Variants in CALCOCO2 observed in about 807,000 individuals in gnomAD.
CALCOCO2 encodes calcium binding and coiled-coil domain 2, also known as calcium-binding and coiled-coil domain-containing protein 2.
CALCOCO2 carries 42 observed loss-of-function variants against 62.5 expected under a neutral mutation model. The ratio of observed to expected loss-of-function variants is 0.67; its 90% confidence interval spans 0.53 to 0.87. The LOEUF (loss-of-function observed/expected upper bound fraction) is 0.87. CALCOCO2 is among the 40% of genes least tolerant of loss of function. CALCOCO2 has a pLI of 0.00. For synonymous variants in CALCOCO2, 167 were observed against 173.0 expected, an observed-to-expected ratio of 0.97 and a Z score of 0.27; for missense variants, 456 against 515.0, an observed-to-expected ratio of 0.89 and a Z score of 1.11.
At chr17:48,833,528 C>CAG (rs1400234059) in intron 1 of CALCOCO2, among the ~76,000 whole-genome samples, 6 of 123,328 alleles carry the variant, frequency 4.9e-5, no homozygotes, top group Non-Finnish European at 9.7e-5. Flanking sequence ...CCCTGGGCAA[C>CAG]AGAGAGAGAC....
chr17:48,834,896 C>T (rs1372942871), intron 1 of CALCOCO2, among the ~76,000 whole-genome samples: 2 of 151,308 alleles, frequency 1.3e-5, no homozygotes, highest in Non-Finnish European at 3.0e-5. Flanking sequence ...AAAATACAAA[C>T]ATTAGGTGGG....
intron 2 of CALCOCO2, among the ~76,000 whole-genome samples, chr17:48,843,414 C>G (rs1380989464): frequency 1.3e-5 from 2 of 152,204 alleles, no homozygotes; most frequent in African/African-American, 4.8e-5. Flanking sequence ...TGTCATGTGC[C>G]TATTTGCCAG....
intron 5 of CALCOCO2, among the ~76,000 whole-genome samples, chr17:48,849,690 G>A (rs1386383213): frequency 6.6e-6 from 1 of 151,824 alleles, no homozygotes; most frequent in Non-Finnish European, 1.5e-5. Flanking sequence ...ATTTTTTAGA[G>A]ACAGGGTTTT....
At chr17:48,848,584 C>A in intron 4 of CALCOCO2, 129 bp downstream of exon 4, 1 of 772,272 alleles carries the variant, frequency 1.3e-6, no homozygotes, top group Non-Finnish European at 2.2e-6. Context: ...GTATGTAGTA[C>A]TCACACAGAC....
intron 9 of CALCOCO2, among the ~76,000 whole-genome samples, chr17:48,853,700 G>C (rs2040164620): frequency 6.6e-6 from 1 of 152,210 alleles, no homozygotes; most frequent in South Asian, 2.1e-4. Flanking sequence ...CAAATCAGCA[G>C]ATCATAGGTC....
intron 2 of CALCOCO2, among the ~76,000 whole-genome samples, chr17:48,846,247 G>A (rs189795766): frequency 1.2e-3 from 185 of 152,134 alleles, no homozygotes; most frequent in Non-Finnish European, 2.0e-3. Context: ...AGTGATTCTC[G>A]TGTCTCAGCC....
Position 48,848,136 on chromosome 17 carries a change from T to C in CALCOCO2, c.253T>C (p.Ser85Pro). ...VTLPIDLNNK[S>P]AKQQEVQFKA... ...TTTGCCCATTGACCTAAACAACAAA[T>C]CAGCTAAACAGCAGGAAGTCCAATT... The change falls in exon 3 of 13, where the codon TCA (serine) becomes CCA (proline). Residue 85 changes from serine (S) to proline (P), a missense_variant. Ser to Pro is a moderately conservative substitution (Grantham distance 74). This residue lies in a region of CALCOCO2 where 236 missense variants were observed against 225.3 expected (regional missense o/e 1.05). Coordinates refer to ENST00000258947, the MANE Select transcript of CALCOCO2 (RefSeq NM_005831.5). 2 of 1,613,130 alleles carry C rather than the reference T, an allele frequency of 1.2e-6. No homozygotes were observed. The highest frequency in any genetic ancestry group is 1.7e-6 in the Non-Finnish European group (2 of 1,179,160).
intron 2 of CALCOCO2, among the ~76,000 whole-genome samples, chr17:48,846,871 A>C (rs1304345153): frequency 6.6e-6 from 1 of 152,124 alleles, no homozygotes; most frequent in Non-Finnish European, 1.5e-5. Context: ...TCATTTGCTG[A>C]GTGTTGTCCC....
intron 1 of CALCOCO2, among the ~76,000 whole-genome samples, chr17:48,838,381 T>G (rs1195895003): frequency 6.6e-6 from 1 of 152,026 alleles, no homozygotes; most frequent in Non-Finnish European, 1.5e-5. Flanking sequence ...TGCCTTTTAG[T>G]TTTTACTTTT....
intron 2 of CALCOCO2, among the ~76,000 whole-genome samples, chr17:48,847,135 G>GA (rs953833880): frequency 1.3e-5 from 2 of 151,896 alleles, no homozygotes; most frequent in South Asian, 2.1e-4. Flanking sequence ...CATGCATGAA[G>GA]AAAAAAAATT....
intron 5 of CALCOCO2, 56 bp downstream of exon 5, chr17:48,849,433 C>CTGGATAAGAGGCACCAT: frequency 1.4e-6 from 2 of 1,476,732 alleles, no homozygotes; most frequent in Non-Finnish European, 1.9e-6. Context: ...TTGGATGGTG[C>CTGGATAAGAGGCACCAT]CTCTTATCCA....
Position 48,844,575 on chromosome 17 carries a change from C to A in CALCOCO2, c.180+2688C>A, listed in dbSNP as rs142066440. 5.6e-3 allele frequency among the ~76,000 whole-genome samples: 852 copies of A among 152,198 alleles called. 6 individuals are homozygous for A. The highest frequency in any genetic ancestry group is 0.02 in the African/African-American group (819 of 41,538). On this transcript the variant is annotated intron_variant, in intron 2 of 12. Coordinates refer to ENST00000258947, the MANE Select transcript of CALCOCO2 (RefSeq NM_005831.5). ...GTTCAAGCGATTCTCCTGCCTCAGC[C>A]TCCCAGGTAGCTGAGATTACAGGCA...
intron 10 of CALCOCO2, among the ~76,000 whole-genome samples, chr17:48,857,435 G>A: frequency 1.4e-5 from 2 of 140,182 alleles, no homozygotes. Context: ...GACCTGAGGT[G>A]ATCCACCCGC....
At chr17:48,857,471 A>G (rs1189250773) in intron 10 of CALCOCO2, among the ~76,000 whole-genome samples, 1 of 121,930 alleles carries the variant, frequency 8.2e-6, no homozygotes, top group Non-Finnish European at 1.7e-5. Context: ...TGCTGGGATT[A>G]CAGGCGTGAG....
At chr17:48,857,228 A>C (rs2040230017) in intron 10 of CALCOCO2, among the ~76,000 whole-genome samples, 13 of 125,586 alleles carry the variant, frequency 1.0e-4, no homozygotes, top group East Asian at 6.8e-4. Flanking sequence ...ACGGAGTTTC[A>C]CTCTTCTTGC....
At position 48,856,194 on chromosome 17, in the gene CALCOCO2, G is replaced by T; in HGVS notation, c.1008+7G>T. ...ATTGGAAGGAGAAAATGATGTAAGT[G>T]TGTGAAAGAGGGTATAAAACCCCAA... On this transcript the variant is annotated splice_region_variant and intron_variant, in intron 10 of 12. Coordinates refer to ENST00000258947, the MANE Select transcript of CALCOCO2 (RefSeq NM_005831.5). 2 of 1,496,112 alleles carry T rather than the reference G, an allele frequency of 1.3e-6. No homozygotes were observed. The highest frequency in any genetic ancestry group is 1.9e-6 in the Non-Finnish European group (2 of 1,075,328). 92.7% of individuals were successfully genotyped at this position (1,496,112 alleles called of 1,614,324 possible).
chr17:48,843,937 G>A (rs1279629712), intron 2 of CALCOCO2: 4 of 152,402 alleles, frequency 2.6e-5, no homozygotes, highest in African/African-American at 9.6e-5. Context: ...AGGCTGGAGT[G>A]CAATGGCGCA....
chr17:48,836,224 T>G (rs994779800), intron 1 of CALCOCO2, among the ~76,000 whole-genome samples: 1 of 152,064 alleles, frequency 6.6e-6, no homozygotes, highest in African/African-American at 2.4e-5. Flanking sequence ...AAATCAAATC[T>G]GTTCCTTTTG....
chr17:48,858,051 G>GAATGAATAGAATAGAA (rs2040264373), intron 10 of CALCOCO2, among the ~76,000 whole-genome samples: 3 of 120,870 alleles, frequency 2.5e-5, no homozygotes, highest in Non-Finnish European at 5.5e-5. Context: ...ATAGAAAATA[G>GAATGAATAGAATAGAA]AATAGAATAG....
Sources: gnomAD v4.1 joint callset for allele counts (sites outside exome capture counted in the v4.1 genomes callset) on GRCh38, gnomAD v4.1.1 for gene constraint, gnomAD v4.1.1 regional missense constraint, MANE v1.5 for transcripts, NCBI Gene and HGNC (gene_info 2026-07-23, HGNC 2026-07-21) for gene names.